GRSF1: variants seen among roughly 807,000 people sequenced by gnomAD.
GRSF1 encodes G-rich sequence factor 1.
In GRSF1, 50 loss-of-function variants were observed where a neutral mutation model predicts 51.1. The observed-to-expected ratio is 0.98, with a 90% confidence interval of 0.78 to 1.24. The LOEUF is 1.24. Among genes scored for constraint, GRSF1 ranks in the 50% most tolerant of loss-of-function variants. The pLI, the probability that GRSF1 is intolerant of heterozygous loss-of-function variation, is 0.00. For missense variants in GRSF1, 700 were observed against 639.7 expected, an observed-to-expected ratio of 1.09 and a Z score of -1.02; for synonymous variants, 293 against 253.3, an observed-to-expected ratio of 1.16 and a Z score of -1.49.
Position 70,831,597 on chromosome 4 carries a change from C to CA in GRSF1, c.891dup (p.Glu298Ter). ...GCTTGGTTGGCCATTTCTGGTTCTT[C>CA]AAATTGCACATAGGCTTCCCCTGTT... On this transcript the variant is annotated frameshift_variant, in exon 5 of 10. Coordinates refer to ENST00000254799, the MANE Select transcript of GRSF1 (RefSeq NM_002092.4). LOFTEE classifies it high-confidence loss of function. The CA allele has an allele frequency of 6.2e-7, 1 of 1,613,770 alleles. No homozygotes were observed. The highest frequency in any genetic ancestry group is 8.5e-7 in the Non-Finnish European group (1 of 1,179,706).
chr4:70,842,228 A>T (rs1247602976), upstream of GRSF1, among the ~76,000 whole-genome samples: 1 of 152,192 alleles, frequency 6.6e-6, no homozygotes, highest in African/African-American at 2.4e-5. Context: ...GGGCCAGTTG[A>T]GGCCTCAGGG....
intron 8 of GRSF1, 123 bp from the exon 9 acceptor site, chr4:70,824,491 C>A: frequency 4.8e-5 from 28 of 580,422 alleles, no homozygotes; most frequent in Non-Finnish European, 6.0e-5. Context: ...TAATTAAAAA[C>A]AAAATTTAGG....
intron 1 of GRSF1, among the ~76,000 whole-genome samples, chr4:70,837,918 C>T (rs558272874): frequency 2.6e-5 from 4 of 151,832 alleles, no homozygotes; most frequent in East Asian, 4.0e-4. Context: ...GCGCCCAGCC[C>T]TATCTATAAT....
chr4:70,823,104 A>G (rs989745316), intron 9 of GRSF1, among the ~76,000 whole-genome samples: 13 of 152,114 alleles, frequency 8.5e-5, no homozygotes, highest in African/African-American at 3.1e-4. Context: ...CTCAAAAAAA[A>G]TAAAAAGTAG....
At chr4:70,827,399 C>T (rs1733778432) in intron 6 of GRSF1, among the ~76,000 whole-genome samples, 1 of 152,086 alleles carries the variant, frequency 6.6e-6, no homozygotes, top group African/African-American at 2.4e-5. Context: ...TTTTACTACC[C>T]AGCTTTTGAT....
Position 70,826,201 on chromosome 4 carries a change from A to C in GRSF1, c.1180T>G (p.Phe394Val), listed in dbSNP as rs371447181. ...VPEKLPEAAD[F>V]GTTSSLHFVH... ...AAATGCAGAGAAGACGTAGTTCCAA[A>C]ATCAGCAGCCTCTGGAAGCTTTTCT... The change falls in exon 7 of 10, where the codon TTT (phenylalanine) becomes GTT (valine). Residue 394 changes from phenylalanine (F) to valine (V), a missense_variant. Coordinates refer to ENST00000254799, the MANE Select transcript of GRSF1 (RefSeq NM_002092.4). The C allele has an allele frequency of 8.7e-6, 14 of 1,610,704 alleles. No individual in the cohort carries two copies. Among genetic ancestry groups the C allele is most frequent in the Non-Finnish European group, 1.2e-5 (14 of 1,178,270 alleles).
In GRSF1 at chr4:70,819,518, C is replaced by T. The variant is rs190628127; in HGVS notation, c.*1369G>A. 4.6e-5 allele frequency: 7 copies of T among 152,260 alleles called. 1 individual carries two copies. Among genetic ancestry groups the T allele is most frequent in the African/African-American group, 1.7e-4 (7 of 41,538 alleles). 9.4% of individuals were successfully genotyped at this position (152,260 alleles called of 1,614,324 possible). A position where few individuals can be genotyped will look rare whatever the true frequency, so the allele number is the denominator to read the frequency against. The stretch of plus-strand genomic sequence containing the variant: ...GACTCACAGACTCCAATAATAAATA[C>T]TCTTAGGTAATCTTCAGCCTGAAAC... On this transcript the variant is annotated 3_prime_UTR_variant, in exon 10 of 10. Coordinates refer to ENST00000254799, the MANE Select transcript of GRSF1 (RefSeq NM_002092.4).
At chr4:70,839,185 A>C (rs1734354104) in intron 1 of GRSF1, 1 of 1,380,454 alleles carries the variant, frequency 7.2e-7, no homozygotes, top group South Asian at 1.2e-5. Flanking sequence ...ACCATGGGCC[A>C]GGCGGGGAAC....
intron 6 of GRSF1, among the ~76,000 whole-genome samples, chr4:70,826,660 C>T (rs1733749533): frequency 1.3e-5 from 2 of 151,454 alleles, no homozygotes. Flanking sequence ...GGCAACACAG[C>T]CAGACACTGT....
rs1029918662 is a variant in GRSF1, at chr4:70,819,327, G to T, written c.*1560C>A. 2.8e-4 allele frequency: 42 copies of T among 152,124 alleles called. No homozygotes were observed. The highest frequency in any genetic ancestry group is 9.7e-4 in the African/African-American group (40 of 41,430). The allele number at this position is 152,124 out of a possible 1,614,324, so 9.4% of individuals were successfully genotyped here. A position where few individuals can be genotyped will look rare whatever the true frequency, so the allele number is the denominator to read the frequency against. On this transcript the variant is annotated 3_prime_UTR_variant, in exon 10 of 10. Coordinates refer to ENST00000254799, the MANE Select transcript of GRSF1 (RefSeq NM_002092.4). Reference sequence around the variant, plus strand: ...CTACAGATACCAGTTCTCATAGCTTGGCATATTCAACCATATATGAAAACG... The same window carrying T: ...CTACAGATACCAGTTCTCATAGCTTTGCATATTCAACCATATATGAAAACG...
chr4:70,823,091 T>C (rs937859411), intron 9 of GRSF1, among the ~76,000 whole-genome samples: 1 of 150,998 alleles, frequency 6.6e-6, no homozygotes, highest in African/African-American at 2.4e-5. Context: ...AGCAAGACTC[T>C]GTCTCAAAAA....
chr4:70,836,698 T>C (rs932722484), intron 1 of GRSF1, among the ~76,000 whole-genome samples: 1 of 152,126 alleles, frequency 6.6e-6, no homozygotes, highest in African/African-American at 2.4e-5. Flanking sequence ...ACGATAAGCA[T>C]ACAAGATGAG....
At chr4:70,825,220 T>C in intron 8 of GRSF1, 76 bp downstream of exon 8, 1 of 1,234,464 alleles carries the variant, frequency 8.1e-7, no homozygotes. Context: ...AATTCTACAA[T>C]CCCAAAACAG....
upstream of GRSF1, among the ~76,000 whole-genome samples, chr4:70,843,073 GTAAA>G (rs961178779): frequency 1.3e-5 from 2 of 152,090 alleles, no homozygotes; most frequent in Non-Finnish European, 2.9e-5. Flanking sequence ...TGTCTCAAAA[GTAAA>G]TAAATAAATA....
chr4:70,827,807 A>C, intron 6 of GRSF1, 45 bp downstream of exon 6: 1 of 1,402,360 alleles, frequency 7.1e-7, no homozygotes, highest in African/African-American at 1.5e-5. Flanking sequence ...AACCCAAAAC[A>C]TTCAAGATAG....
intron 1 of GRSF1, 60 bp from the exon 2 acceptor site, chr4:70,836,374 A>T: frequency 8.1e-7 from 1 of 1,231,666 alleles, no homozygotes; most frequent in Non-Finnish European, 1.1e-6. Context: ...AAATGTAAAA[A>T]AATTCTTAGA....
Position 70,831,608 on chromosome 4 carries a change from T to G in GRSF1, c.881A>C (p.Tyr294Ser). 1.2e-6 allele frequency: 2 copies of G among 1,613,626 alleles called. No homozygotes were observed. The highest frequency in any genetic ancestry group is 1.7e-6 in the Non-Finnish European group (2 of 1,179,574). Residue 294 changes from tyrosine (Y) to serine (S), a missense_variant, in exon 5 of 10, where the codon TAT becomes TCT. Coordinates refer to ENST00000254799, the MANE Select transcript of GRSF1 (RefSeq NM_002092.4). ...CATTTCTGGTTCTTCAAATTGCACA[T>G]AGGCTTCCCCTGTTTTTCGCCTCCC... ...YRGRRKTGEAYVQFEEPEMAN... is the reference protein window; with the variant it reads ...YRGRRKTGEASVQFEEPEMAN...
chr4:70,822,625 T>C (rs1315919968), intron 9 of GRSF1, among the ~76,000 whole-genome samples: 1 of 146,100 alleles, frequency 6.8e-6, no homozygotes, highest in Non-Finnish European at 1.5e-5. Context: ...CCTGAGAAAA[T>C]GGAAAACGTG....
At chr4:70,826,293 G>A (rs747584278) in intron 6 of GRSF1, 48 bp from the exon 7 acceptor site, 3 of 1,498,728 alleles carry the variant, frequency 2.0e-6, no homozygotes. Context: ...AGCTTCAAGG[G>A]TTATTAACAG....
Sources: gnomAD v4.1 joint callset for allele counts (sites outside exome capture counted in the v4.1 genomes callset) on GRCh38, gnomAD v4.1.1 for gene constraint, MANE v1.5 for transcripts, NCBI Gene and HGNC (gene_info 2026-07-23, HGNC 2026-07-21) for gene names.